Variants in SASH1 observed in about 807,000 individuals in gnomAD.
SASH1 encodes the protein SAM and SH3 domain containing 1.
A neutral mutation model predicts 125.2 loss-of-function variants in SASH1; 44 were observed. That is an observed-to-expected ratio of 0.35 (90% confidence interval 0.28 to 0.45). The LOEUF is 0.45. SASH1 is among the 20% of genes least tolerant of loss of function. The pLI is 1.00. For missense variants in SASH1, 1,426 were observed against 1,614.5 expected (o/e 0.88, Z 2.00); for synonymous variants, 639 against 649.1 (o/e 0.98, Z 0.24).
intron 1 of SASH1, among the ~76,000 whole-genome samples, chr6:148,327,288 T>C (rs553705162): frequency 3.2e-5 from 4 of 123,656 alleles, no homozygotes; most frequent in South Asian, 2.8e-4. Flanking sequence ...TATAAATTTC[T>C]TTTTTTTTTT....
At chr6:148,246,080 A>G in the SASH1 span, among the ~76,000 whole-genome samples, 2 of 151,892 alleles carry the variant, frequency 1.3e-5, no homozygotes, top group Non-Finnish European at 2.9e-5. Context: ...GTACACATAC[A>G]TGCATGCTCA....
chr6:148,452,706 CT>C (rs200894747), intron 4 of SASH1, among the ~76,000 whole-genome samples: 1 of 150,492 alleles, frequency 6.6e-6, no homozygotes, highest in African/African-American at 2.4e-5. Flanking sequence ...GTTCCCTCCC[CT>C]CACCCCCTCT....
intron 10 of SASH1, chr6:148,520,370 C>G (rs1456204937): frequency 6.1e-6 from 1 of 165,188 alleles, no homozygotes; most frequent in African/African-American, 2.4e-5. Context: ...TCTTGAGAAT[C>G]CACCAGAAGT....
At chr6:148,436,266 G>A (rs1004451605) in intron 2 of SASH1, among the ~76,000 whole-genome samples, 1 of 152,102 alleles carries the variant, frequency 6.6e-6, no homozygotes, top group Non-Finnish European at 1.5e-5. Flanking sequence ...CAAGGTGGGC[G>A]GATTGCTTGA....
chr6:148,380,170 G>A (rs1462999617), intron 1 of SASH1, among the ~76,000 whole-genome samples: 1 of 152,128 alleles, frequency 6.6e-6, no homozygotes, highest in Non-Finnish European at 1.5e-5. Flanking sequence ...TACCAGTTGC[G>A]CCGGGGAGCT....
chr6:148,193,697 A>G, the SASH1 span, among the ~76,000 whole-genome samples: 1 of 152,236 alleles, frequency 6.6e-6, no homozygotes, highest in Non-Finnish European at 1.5e-5. Flanking sequence ...TTTATAAAAT[A>G]AGATGAAAGG....
chr6:148,277,491 G>T (rs867002296), intron 1 of SASH1, among the ~76,000 whole-genome samples: 4 of 152,210 alleles, frequency 2.6e-5, no homozygotes, highest in Admixed American at 1.3e-4. Flanking sequence ...CAGGGCAGAA[G>T]TGAGTTGATC....
At chr6:148,547,573 CTTTTA>C (rs760377488) in intron 19 of SASH1, among the ~76,000 whole-genome samples, 2 of 152,086 alleles carry the variant, frequency 1.3e-5, no homozygotes, top group Non-Finnish European at 2.9e-5. Flanking sequence ...TTTTTCTAAC[CTTTTA>C]TTTTAAATAA....
At chr6:148,456,674 A>C (rs921788180) in intron 4 of SASH1, among the ~76,000 whole-genome samples, 37 of 152,098 alleles carry the variant, frequency 2.4e-4, no homozygotes, top group Non-Finnish European at 2.5e-4. Flanking sequence ...CAGCCTGGGC[A>C]ACATGGCGAA....
intron 19 of SASH1, among the ~76,000 whole-genome samples, chr6:148,547,316 G>A (rs540146932): frequency 6.0e-4 from 92 of 152,254 alleles, no homozygotes; most frequent in African/African-American, 2.1e-3. Flanking sequence ...TAGGCAGCGT[G>A]GATTTGTTAG....
chr6:148,476,686 C>A (rs1468537842), intron 7 of SASH1, among the ~76,000 whole-genome samples: 1 of 151,530 alleles, frequency 6.6e-6, no homozygotes, highest in Admixed American at 6.6e-5. Flanking sequence ...CCCCCCAACC[C>A]CCAAAAAAAG....
chr6:148,493,674 G>A (rs2115237698), intron 8 of SASH1, among the ~76,000 whole-genome samples: 1 of 152,288 alleles, frequency 6.6e-6, no homozygotes, highest in African/African-American at 2.4e-5. Context: ...ATCGCGTGTT[G>A]CCTCACAATA....
intron 1 of SASH1, among the ~76,000 whole-genome samples, chr6:148,293,832 C>T (rs775141514): frequency 1.3e-5 from 2 of 152,252 alleles, no homozygotes; most frequent in South Asian, 2.1e-4. Context: ...CTATGCCAGC[C>T]GTCCCGGGAG....
intron 1 of SASH1, among the ~76,000 whole-genome samples, chr6:148,361,335 T>C (rs377316481): frequency 1.3e-5 from 2 of 152,140 alleles, no homozygotes; most frequent in South Asian, 2.1e-4. Context: ...CGGTGGCTCA[T>C]GCCTGTAATC....
intron 1 of SASH1, among the ~76,000 whole-genome samples, chr6:148,302,408 C>G (rs1281118509): frequency 6.7e-6 from 1 of 149,792 alleles, no homozygotes; most frequent in East Asian, 2.0e-4. Flanking sequence ...TAATTGCCTA[C>G]CATTTTAACA....
chr6:148,393,597 T>A (rs189812431), intron 2 of SASH1: 1 of 615,364 alleles, frequency 1.6e-6, no homozygotes, highest in Admixed American at 6.3e-5. Context: ...AGTCTGCCCA[T>A]CGGTGGGATT....
At chr6:148,331,918 A>G (rs1351600189) in intron 1 of SASH1, among the ~76,000 whole-genome samples, 6 of 151,718 alleles carry the variant, frequency 4.0e-5, no homozygotes, top group African/African-American at 1.5e-4. Context: ...TCCCAGGCTC[A>G]AGTGATCCTT....
chr6:148,387,493 T>C (rs1214473579), intron 1 of SASH1, among the ~76,000 whole-genome samples: 1 of 147,610 alleles, frequency 6.8e-6, no homozygotes, highest in African/African-American at 2.5e-5. Flanking sequence ...CCTTCCCTTC[T>C]CTCTTCTCTC....
chr6:148,343,178 A>G lies in SASH1; in HGVS notation c.111A>G (p.Thr37=), dbSNP rs759856682. The change falls in exon 1 of 20, where the codon ACA becomes ACG. Residue 37 remains threonine, a synonymous_variant. Transcript: ENST00000367467. ...CGGAGCCCAAGCCGGGTGCTGGCAC[A>G]TCCGAGGCGTTCTCCCGACTCTGGA... ...PEPEPKPGAG[T]SEAFSRLWTD... 2.7e-5 allele frequency: 43 copies of G among 1,600,204 alleles called. No individual in the cohort carries two copies. The Admixed American group carries it at 7.0e-4, about 26-fold the overall frequency.
Sources: allele counts gnomAD v4.1 joint callset (sites outside exome capture counted in the v4.1 genomes callset), GRCh38; gene constraint gnomAD v4.1.1; transcripts MANE v1.5; gene names NCBI Gene and HGNC (gene_info 2026-07-23, HGNC 2026-07-21).